Variants in ZFHX3 observed in about 807,000 individuals in gnomAD.
ZFHX3 encodes the protein zinc finger homeobox 3, also known as zinc finger homeobox protein 3.
A neutral mutation model predicts 279.1 loss-of-function variants in ZFHX3; 42 were observed. The observed-to-expected ratio is 0.15, with a 90% confidence interval of 0.12 to 0.19. The LOEUF is 0.19. ZFHX3 is among the 10% of genes least tolerant of loss of function. The pLI, the probability that ZFHX3 is intolerant of heterozygous loss-of-function variation, is 1.00. For synonymous variants in ZFHX3, 2,293 were observed against 1,957.8 expected (o/e 1.17, Z -4.52); for missense variants, 4,981 against 4,754.0 (o/e 1.05, Z -1.40).
In ZFHX3 at chr16:72,787,145, T is replaced by C; in HGVS notation, c.*19A>G. On this transcript the variant is annotated 3_prime_UTR_variant, in exon 10 of 10. Transcript: ENST00000268489. The stretch of plus-strand genomic sequence containing the variant: ...TTTTGTATTTAAATTCATTTGTTTG[T>C]ATTGTTCATCTTCAAAGCTTACAAT... The C allele has an allele frequency of 6.9e-7, 1 of 1,451,834 alleles. No individual in the cohort carries two copies. Among genetic ancestry groups the C allele is most frequent in the Non-Finnish European group, 9.1e-7 (1 of 1,092,928 alleles). 89.9% of individuals were successfully genotyped at this position (1,451,834 alleles called of 1,614,324 possible).
Position 73,392,211 on chromosome 16 carries a change from G to A in ZFHX3, c.-1291+63792C>T, listed in dbSNP as rs1323871381. On this transcript the variant is annotated intron_variant, in intron 3 of 17. Coordinates refer to the ZFHX3 transcript ENST00000641206. ...GAGGTGGGTGGTTCACTTGAGGTCA[G>A]GAGTTCAATACCAGCCTGGCCAACA... Among the ~76,000 whole-genome samples, 5 of 151,892 alleles carry A rather than the reference G, an allele frequency of 3.3e-5. No homozygotes were observed. In the East Asian group the frequency reaches 7.8e-4, roughly 24 times the overall value.
chr16:73,185,853 G>A (rs565608534), intron 5 of ZFHX3, among the ~76,000 whole-genome samples: 41 of 152,158 alleles, frequency 2.7e-4, no homozygotes, highest in African/African-American at 5.1e-4. Flanking sequence ...GTCAGGAGCC[G>A]GATCACACAG....
intron 4 of ZFHX3, among the ~76,000 whole-genome samples, chr16:72,885,843 G>A (rs1364381707): frequency 2.0e-5 from 3 of 152,216 alleles, no homozygotes; most frequent in Non-Finnish European, 4.4e-5. Context: ...AGCCATGGAT[G>A]GGGAGCTTCT....
chr16:73,538,812 A>G (rs548240926), intron 2 of ZFHX3, among the ~76,000 whole-genome samples: 1 of 152,354 alleles, frequency 6.6e-6, no homozygotes, highest in Non-Finnish European at 1.5e-5. Context: ...AACGACAATA[A>G]CAATGCAGCA....
chr16:73,491,728 C>T (rs187175446), intron 2 of ZFHX3, among the ~76,000 whole-genome samples: 373 of 152,160 alleles, frequency 2.5e-3, no homozygotes, highest in Non-Finnish European at 2.5e-3. Context: ...CAAAATTGCA[C>T]TTAGCAGTGT....
chr16:73,213,105 G>A (rs78888281), intron 5 of ZFHX3, among the ~76,000 whole-genome samples: 1,791 of 152,238 alleles, frequency 0.012, 44 homozygotes, highest in African/African-American at 0.041. Flanking sequence ...TCCATATGGC[G>A]TAGGACATAG....
chr16:73,788,987 A>G (rs374623257), intron 1 of ZFHX3, among the ~76,000 whole-genome samples: 18 of 150,922 alleles, frequency 1.2e-4, no homozygotes, highest in Admixed American at 6.6e-4. Flanking sequence ...AAATAACAAT[A>G]ATATTTGCAA....
At chr16:73,574,320 G>A (rs1001507130) in intron 2 of ZFHX3, among the ~76,000 whole-genome samples, 3 of 150,292 alleles carry the variant, frequency 2.0e-5, no homozygotes, top group Non-Finnish European at 4.4e-5. Flanking sequence ...AACGGACCCG[G>A]GTGAAATTTT....
chr16:73,336,009 G>A (rs1008714821), intron 3 of ZFHX3, among the ~76,000 whole-genome samples: 6 of 152,064 alleles, frequency 3.9e-5, no homozygotes, highest in Admixed American at 6.5e-5. Flanking sequence ...CTAGCCATTC[G>A]CAGCAGTGCA....
chr16:73,395,539 T>C (rs4636929), intron 3 of ZFHX3, among the ~76,000 whole-genome samples: 59,562 of 151,506 alleles, frequency 0.39, 12,854 homozygotes, highest in Non-Finnish European at 0.5. Flanking sequence ...TGCTTGTTTT[T>C]CTTTAAGAAA....
At chr16:73,251,898 TGCACACAC>T (rs2013511535) in intron 5 of ZFHX3, among the ~76,000 whole-genome samples, 1 of 57,734 alleles carries the variant, frequency 1.7e-5, no homozygotes. Context: ...ACACACACCA[TGCACACAC>T]ACACACCACA....
intron 3 of ZFHX3, among the ~76,000 whole-genome samples, chr16:73,384,741 TAGAC>T (rs935711166): frequency 3.3e-5 from 5 of 152,244 alleles, no homozygotes; most frequent in Non-Finnish European, 7.3e-5. Context: ...GCCACAAATC[TAGAC>T]AGACAGCTCA....
intron 4 of ZFHX3, among the ~76,000 whole-genome samples, chr16:72,878,517 T>C (rs906716331): frequency 1.3e-5 from 2 of 152,214 alleles, no homozygotes; most frequent in Non-Finnish European, 2.9e-5. Context: ...ATGCAAACTG[T>C]TTCCACTTCT....
intron 1 of ZFHX3, among the ~76,000 whole-genome samples, chr16:72,986,931 A>G (rs1962872628): frequency 6.6e-6 from 1 of 152,142 alleles, no homozygotes; most frequent in Non-Finnish European, 1.5e-5. Flanking sequence ...AGACCGCTTG[A>G]GCCCAGGAGT....
intron 1 of ZFHX3, among the ~76,000 whole-genome samples, chr16:73,688,724 T>G (rs554796442): frequency 1.3e-5 from 2 of 152,342 alleles, no homozygotes; most frequent in African/African-American, 4.8e-5. Flanking sequence ...AAATCTCATC[T>G]TGAATTGCAG....
chr16:73,496,898 T>C (rs374804201), intron 2 of ZFHX3, among the ~76,000 whole-genome samples: 1 of 152,170 alleles, frequency 6.6e-6, no homozygotes, highest in Non-Finnish European at 1.5e-5. Flanking sequence ...TTCTCCTCCA[T>C]GATCCCAGCT....
chr16:73,147,934 G>C (rs915303326), intron 5 of ZFHX3, among the ~76,000 whole-genome samples: 21 of 152,138 alleles, frequency 1.4e-4, no homozygotes, highest in Non-Finnish European at 2.1e-4. Flanking sequence ...TTAAATATGA[G>C]GTGTTGGATA....
At chr16:73,045,428 T>C (rs935747546) in intron 1 of ZFHX3, among the ~76,000 whole-genome samples, 1 of 152,168 alleles carries the variant, frequency 6.6e-6, no homozygotes, top group Non-Finnish European at 1.5e-5. Flanking sequence ...CAATTGGCAC[T>C]GAGTTGACAC....
intron 5 of ZFHX3, among the ~76,000 whole-genome samples, chr16:73,191,724 C>CTT (rs35599767): frequency 6.9e-4 from 103 of 150,032 alleles, no homozygotes; most frequent in Admixed American, 1.4e-3. Context: ...AGCTGTATTT[C>CTT]TTTTTTTTTT....
Sources: allele counts gnomAD v4.1 joint callset (sites outside exome capture counted in the v4.1 genomes callset), GRCh38; gene constraint gnomAD v4.1.1; transcripts MANE v1.5; gene names NCBI Gene and HGNC (gene_info 2026-07-23, HGNC 2026-07-21).